Variants in GALNT18 observed in about 807,000 individuals in gnomAD.
GALNT18 encodes GalNAc-transferase 18.
In GALNT18, 44 loss-of-function variants were observed where a neutral mutation model predicts 69.5. The ratio of observed to expected loss-of-function variants is 0.63; its 90% CI spans 0.50 to 0.81. The LOEUF (loss-of-function observed/expected upper bound fraction) is 0.81. Ranked by LOEUF, GALNT18 falls within the 40% of genes least tolerant of loss-of-function variation. The pLI is 0.00. For synonymous variants in GALNT18, 364 were observed against 318.2 expected, an observed-to-expected ratio of 1.14 and a Z score of -1.53; for missense variants, 715 against 810.0, an observed-to-expected ratio of 0.88 and a Z score of 1.42.
intron 6 of GALNT18, among the ~76,000 whole-genome samples, chr11:11,345,797 T>C (rs1850291975): frequency 6.6e-6 from 1 of 151,710 alleles, no homozygotes; most frequent in South Asian, 2.1e-4. Flanking sequence ...ACACCAAGGG[T>C]TGGAAACAGA....
At chr11:11,399,448 G>A (rs767652285) in intron 3 of GALNT18, among the ~76,000 whole-genome samples, 2 of 150,974 alleles carry the variant, frequency 1.3e-5, no homozygotes, top group African/African-American at 2.4e-5. Context: ...AAAAAATGGC[G>A]ATTCTTCAGC....
chr11:11,274,211 T>C (rs1255307902), intron 10 of GALNT18, among the ~76,000 whole-genome samples: 1 of 152,206 alleles, frequency 6.6e-6, no homozygotes, highest in East Asian at 1.9e-4. Context: ...CAGGTGTCTA[T>C]ACCACCATGG....
chr11:11,568,880 C>A (rs1340628397), intron 1 of GALNT18, among the ~76,000 whole-genome samples: 1 of 152,210 alleles, frequency 6.6e-6, no homozygotes, highest in Non-Finnish European at 1.5e-5. Context: ...ATAACCTCAT[C>A]CCCTGCTTCT....
intron 5 of GALNT18, among the ~76,000 whole-genome samples, chr11:11,376,634 T>A (rs1004335718): frequency 1.3e-5 from 2 of 152,148 alleles, no homozygotes; most frequent in East Asian, 3.9e-4. Context: ...TCTCAGCCCC[T>A]CCACCCCTAC....
At chr11:11,345,640 G>C (rs1050829473) in intron 6 of GALNT18, among the ~76,000 whole-genome samples, 5 of 151,850 alleles carry the variant, frequency 3.3e-5, no homozygotes, top group Admixed American at 3.3e-4. Flanking sequence ...GATATACACA[G>C]GAAGGCCTGT....
chr11:11,449,648 T>A (rs78353086), intron 1 of GALNT18, among the ~76,000 whole-genome samples: 17 of 152,308 alleles, frequency 1.1e-4, no homozygotes, highest in Admixed American at 3.9e-4. Flanking sequence ...CCCAGGAACT[T>A]CCCAGAAAAA....
chr11:11,277,276 T>C (rs573654066), intron 10 of GALNT18, among the ~76,000 whole-genome samples: 70 of 152,366 alleles, frequency 4.6e-4, no homozygotes, highest in African/African-American at 1.7e-3. Context: ...CCATTTCTTC[T>C]AGATTTTCTA....
intron 1 of GALNT18, among the ~76,000 whole-genome samples, chr11:11,481,219 A>G (rs987013152): frequency 1.3e-5 from 2 of 152,166 alleles, no homozygotes; most frequent in Admixed American, 1.3e-4. Flanking sequence ...TCATCTGCAA[A>G]TTCCCATGAG....
intron 3 of GALNT18, among the ~76,000 whole-genome samples, chr11:11,394,707 C>A (rs185314135): frequency 2.4e-4 from 36 of 152,366 alleles, no homozygotes; most frequent in Non-Finnish European, 3.8e-4. Context: ...AGGGCCCTGG[C>A]CCATTGCTCG....
At chr11:11,479,944 G>A (rs1055697934) in intron 1 of GALNT18, among the ~76,000 whole-genome samples, 5 of 152,182 alleles carry the variant, frequency 3.3e-5, no homozygotes, top group African/African-American at 1.2e-4. Flanking sequence ...TTACCTAGAT[G>A]CTCTACCTCC....
chr11:11,420,138 A>C (rs966011276), intron 3 of GALNT18, among the ~76,000 whole-genome samples: 8 of 151,756 alleles, frequency 5.3e-5, no homozygotes, highest in Non-Finnish European at 1.0e-4. Flanking sequence ...AAAAAAAAAA[A>C]CAGAACAAAC....
At chr11:11,385,648 C>T (rs78346149) in intron 3 of GALNT18, among the ~76,000 whole-genome samples, 2,721 of 152,182 alleles carry the variant, frequency 0.018, 62 homozygotes, top group African/African-American at 0.062. Flanking sequence ...ATCCAAATTA[C>T]AGCAGAGAGG....
chr11:11,307,611 G>T (rs569059771), intron 9 of GALNT18, among the ~76,000 whole-genome samples: 8 of 152,150 alleles, frequency 5.3e-5, no homozygotes, highest in Admixed American at 3.9e-4. Context: ...CAAGAGGAAA[G>T]AAGGAAAGGT....
chr11:11,502,360 G>A (rs1219233135), intron 1 of GALNT18, among the ~76,000 whole-genome samples: 1 of 152,232 alleles, frequency 6.6e-6, no homozygotes, highest in Non-Finnish European at 1.5e-5. Flanking sequence ...GAGCAGGCAG[G>A]CAGGAGCATG....
intron 1 of GALNT18, among the ~76,000 whole-genome samples, chr11:11,519,310 G>T (rs116017193): frequency 3.3e-4 from 50 of 152,270 alleles, no homozygotes; most frequent in African/African-American, 1.2e-3. Context: ...CTAGCAAAAG[G>T]GGGGAGCCAT....
At chr11:11,274,941 C>G (rs542819283) in intron 10 of GALNT18, among the ~76,000 whole-genome samples, 1 of 152,150 alleles carries the variant, frequency 6.6e-6, no homozygotes, top group African/African-American at 2.4e-5. Context: ...TTTATCCAGT[C>G]TAGTGTTGAT....
In GALNT18 at chr11:11,505,694, A is replaced by G. The variant is rs942057887; in HGVS notation, c.236-56758T>C. ...ATTCAGAAGTCCCCATTCTGATTTAATACCACACTCGCTTCCTCCTGCAAA... is the reference window on the plus strand; with the variant it reads ...ATTCAGAAGTCCCCATTCTGATTTAGTACCACACTCGCTTCCTCCTGCAAA... On this transcript the variant is annotated intron_variant, in intron 1 of 10. Coordinates refer to ENST00000227756, the MANE Select transcript of GALNT18 (RefSeq NM_198516.3). The surrounding 1 kb of genome is among the most constrained non-coding windows in gnomAD (Gnocchi z 4.6). Among the ~76,000 whole-genome samples, 1 of 152,170 alleles carries G rather than the reference A, an allele frequency of 6.6e-6. No individual in the cohort carries two copies. Among genetic ancestry groups the G allele is most frequent in the Admixed American group, 6.5e-5 (1 of 15,268 alleles).
At position 11,308,219 on chromosome 11, in the gene GALNT18, C is replaced by T. The variant is rs867231708; in HGVS notation, c.1513-15026G>A. ...CCTGGCGTGGCAGGAAGAACCTCGC[C>T]GTGTAAGCGATGGTGGAAATCACAT... is the stretch of plus-strand genomic sequence containing the variant. On this transcript the variant is annotated intron_variant, in intron 9 of 10. Transcript: ENST00000227756. 8.5e-5 allele frequency among the ~76,000 whole-genome samples: 13 copies of T among 152,148 alleles called. No homozygotes were observed. In the South Asian group the frequency reaches 1.0e-3, roughly 12 times the overall value.
At chr11:11,277,573 GTTATT>G (rs1407558054) in intron 10 of GALNT18, among the ~76,000 whole-genome samples, 1 of 152,090 alleles carries the variant, frequency 6.6e-6, no homozygotes, top group Non-Finnish European at 1.5e-5. Flanking sequence ...TGCTTCTCTA[GTTATT>G]TTAATTTGAT....
Sources: gnomAD v4.1 joint callset for allele counts (sites outside exome capture counted in the v4.1 genomes callset) on GRCh38, gnomAD v4.1.1 for gene constraint, Gnocchi (gnomAD v3.1) non-coding constraint, MANE v1.5 for transcripts, NCBI Gene and HGNC (gene_info 2026-07-23, HGNC 2026-07-21) for gene names.